DPF1: variants seen among roughly 807,000 people sequenced by gnomAD.
DPF1 encodes double PHD fingers 1, also known as zinc finger protein neuro-d4.
A neutral mutation model predicts 58.7 loss-of-function variants in DPF1; 14 were observed. The ratio of observed to expected loss-of-function variants is 0.24; its 90% CI spans 0.16 to 0.37. The LOEUF is 0.37. Ranked by LOEUF, DPF1 falls within the 10% of genes least tolerant of loss-of-function variation. The probability of loss-of-function intolerance (pLI) is 1.00; values close to 1 mark genes in which losing one functional copy is unlikely to be tolerated. For synonymous variants in DPF1, 216 were observed against 216.0 expected (o/e 1.00, Z 0.00); for missense variants, 345 against 529.9 (o/e 0.65, Z 3.43).
In DPF1 at chr19:38,215,993, C is replaced by T. The variant is rs758822495; in HGVS notation, c.898+147G>A. On this transcript the variant is annotated intron_variant, in intron 9 of 11. Transcript: ENST00000355526. ...TTCCCACAATCCTCAGCAGTTGCAT[C>T]AGCCTCGCTAGCTCTGGTTATCCAC... 5.8e-6 allele frequency: 8 copies of T among 1,372,684 alleles called. No homozygotes were observed. In the African/African-American group the frequency reaches 1.0e-4, roughly 17 times the overall value. The allele number at this position is 1,372,684 out of a possible 1,614,324, so 85.0% of individuals were successfully genotyped here.
upstream of DPF1, chr19:38,224,356 G>A (rs1239178962): frequency 6.0e-6 from 7 of 1,169,174 alleles, no homozygotes; most frequent in Non-Finnish European, 7.6e-6. The surrounding 1 kb of genome is among the most constrained non-coding windows in gnomAD (Gnocchi z 4.5). Flanking sequence ...ACGGGACGGC[G>A]CGGAGGAGGG....
At chr19:38,225,325 G>A (rs1461143480), upstream of DPF1, among the ~76,000 whole-genome samples, 1 of 152,074 alleles carries the variant, frequency 6.6e-6, no homozygotes, top group Non-Finnish European at 1.5e-5. Flanking sequence ...CCAGTACTTC[G>A]GGAGGCCTAG....
At chr19:38,213,521 G>A in intron 10 of DPF1, 123 bp downstream of exon 10, 2 of 795,794 alleles carry the variant, frequency 2.5e-6, no homozygotes, top group Non-Finnish European at 4.2e-6. Context: ...CCGGCATAAT[G>A]ATAACACAGG....
intron 3 of DPF1, among the ~76,000 whole-genome samples, chr19:38,221,469 G>C (rs1483322701): frequency 2.0e-5 from 3 of 151,952 alleles, no homozygotes; most frequent in Non-Finnish European, 4.4e-5. Context: ...GAACCCACTA[G>C]GCGGAGGTTG....
intron 9 of DPF1, 92 bp downstream of exon 9, chr19:38,216,048 G>T: frequency 6.6e-7 from 1 of 1,509,800 alleles, no homozygotes. Context: ...GGGTCCCCTC[G>T]GTCCTCACCG....
chr19:38,213,996 T>C (rs1438888013), intron 9 of DPF1: 35 of 528,604 alleles, frequency 6.6e-5, no homozygotes, highest in Non-Finnish European at 1.0e-4. Flanking sequence ...CAGAACGCCA[T>C]GGCAACCGCA....
rs1284631368 is a variant in DPF1, at chr19:38,217,580, G to A, written c.607C>T (p.Arg203Trp). 6.5e-7 allele frequency: 1 copy of A among 1,549,772 alleles called. No individual in the cohort carries two copies. Among genetic ancestry groups the A allele is most frequent in the Non-Finnish European group, 8.7e-7 (1 of 1,145,786 alleles). ...KPYVCDICGK[R>W]YKNRPGLSYH... Reference sequence around the variant, plus strand: ...CTGAGCCCCGGCCGGTTCTTATACCGTTTCCCACAGACTGGGGAGCGAGCG... The same window carrying A: ...CTGAGCCCCGGCCGGTTCTTATACCATTTCCCACAGACTGGGGAGCGAGCG... Residue 203 changes from arginine to tryptophan, a missense_variant, in exon 7 of 12, where the codon CGG becomes TGG. Coordinates refer to ENST00000355526, the MANE Select transcript of DPF1 (RefSeq NM_001135155.3).
chr19:38,212,330 CG>C lies in DPF1; in HGVS notation c.1042del (p.Arg348GlyfsTer8). 1.3e-6 allele frequency: 2 copies of C among 1,490,688 alleles called. No homozygotes were observed. Among genetic ancestry groups the C allele is most frequent in the Non-Finnish European group, 1.8e-6 (2 of 1,121,508 alleles). The allele number at this position is 1,490,688 out of a possible 1,614,324, so 92.3% of individuals were successfully genotyped here. A position where few individuals can be genotyped will look rare whatever the true frequency, so the allele number is the denominator to read the frequency against. ...DQLLFCDDCD[R>X]GYHMYCLSPP... ...ACTCAGGCAGTACATGTGGTAACCC[CG>C]ATCGCAGTCATCACAAAACAGCAGC... On this transcript the variant is annotated frameshift_variant, in exon 11 of 12. Coordinates refer to ENST00000355526, the MANE Select transcript of DPF1 (RefSeq NM_001135155.3). LOFTEE classifies it high-confidence loss of function.
intron 3 of DPF1, chr19:38,219,454 A>AG (rs1967286404): frequency 5.9e-6 from 1 of 170,768 alleles, no homozygotes; most frequent in Non-Finnish European, 1.2e-5. Flanking sequence ...TCTGAGACAG[A>AG]TGCGGGAAGG....
At chr19:38,228,178 C>G (rs2146234390), upstream of DPF1, 1 of 151,870 alleles carries the variant, frequency 6.6e-6, no homozygotes, top group East Asian at 2.0e-4. Context: ...GGACCCGAGC[C>G]CCACACACCC....
At position 38,217,874 on chromosome 19, in the gene DPF1, T is replaced by A. The variant is rs371151271; in HGVS notation, c.519A>T (p.Ala173=). The A allele has an allele frequency of 1.2e-6, 2 of 1,614,034 alleles. No homozygotes were observed. Among genetic ancestry groups the A allele is most frequent in the Non-Finnish European group, 1.7e-6 (2 of 1,179,990 alleles). The stretch of plus-strand genomic sequence containing the variant: ...GTTTCCGGAGACCCCCGATGCCATA[T>A]GCCTGTGGGGAGAGTCAGGAGTGAG... The part of the protein sequence containing the change: ...PRRKNRAKGK[A]YGIGGLRKRQ... The change falls in exon 6 of 12, where the codon GCA becomes GCT. Residue 173 remains alanine (A), a splice_region_variant and synonymous_variant. Coordinates refer to ENST00000355526, the MANE Select transcript of DPF1 (RefSeq NM_001135155.3).
At chr19:38,219,371 G>A in intron 3 of DPF1, 1 of 363,580 alleles carries the variant, frequency 2.8e-6, no homozygotes, top group South Asian at 3.7e-5. Context: ...AACATACCCA[G>A]ACAAATATGG....
chr19:38,229,544 G>A lies in DPF1; in HGVS notation c.-132+15C>T. ...GGGGGTCTGGACAGGGGGCGGGGACGGCAGGGACACTCACGACTTGAGCGG... is the reference window on the plus strand; with the variant it reads ...GGGGGTCTGGACAGGGGGCGGGGACAGCAGGGACACTCACGACTTGAGCGG... On this transcript the variant is annotated intron_variant, in intron 1 of 11. Coordinates refer to the DPF1 transcript ENST00000412732. The surrounding 1 kb of genome is among the most constrained non-coding windows in gnomAD (Gnocchi z 5.3). The A allele has an allele frequency of 3.4e-6, 4 of 1,189,922 alleles. No individual in the cohort carries two copies. The highest frequency in any genetic ancestry group is 4.2e-6 in the Non-Finnish European group (4 of 960,466). The allele number at this position is 1,189,922 out of a possible 1,614,324, so 73.7% of individuals were successfully genotyped here. A position where few individuals can be genotyped will look rare whatever the true frequency, so the allele number is the denominator to read the frequency against.
Position 38,229,550 on chromosome 19 carries a change from G to T in DPF1, c.-132+9C>A. The stretch of plus-strand genomic sequence containing the variant: ...CTGGACAGGGGGCGGGGACGGCAGG[G>T]ACACTCACGACTTGAGCGGGTTCTG... On this transcript the variant is annotated intron_variant, in intron 1 of 11. Transcript: ENST00000412732. This position sits in a 1 kb window ranked among gnomAD's most constrained non-coding sequence, Gnocchi z 5.3. The T allele has an allele frequency of 8.4e-7, 1 of 1,190,694 alleles. No individual in the cohort carries two copies. Among genetic ancestry groups the T allele is most frequent in the Non-Finnish European group, 1.0e-6 (1 of 961,382 alleles). The allele number at this position is 1,190,694 out of a possible 1,614,324, so 73.8% of individuals were successfully genotyped here. A position where few individuals can be genotyped will look rare whatever the true frequency, so the allele number is the denominator to read the frequency against.
chr19:38,211,887 C>A lies in DPF1; in HGVS notation c.*176G>T. 1.5e-6 allele frequency: 1 copy of A among 677,390 alleles called. No homozygotes were observed. The highest frequency in any genetic ancestry group is 1.9e-5 in the South Asian group (1 of 52,144). The allele number at this position is 677,390 out of a possible 1,614,324, so 42.0% of individuals were successfully genotyped here. Reference sequence around the variant, plus strand: ...GGGAGGGAGAGGCCCTGGCCGGGCCCACCCACCCACAGGGCAGACATTCCA... The same window carrying A: ...GGGAGGGAGAGGCCCTGGCCGGGCCAACCCACCCACAGGGCAGACATTCCA... On this transcript the variant is annotated 3_prime_UTR_variant, in exon 12 of 12. Transcript: ENST00000355526. The surrounding 1 kb of genome is among the most constrained non-coding windows in gnomAD (Gnocchi z 4.0).
rs1973377855 is a variant in DPF1 at position 38,211,133 on chromosome 19, CCCA to C, written c.*927_*929del. 6.6e-6 allele frequency: 1 copy of C among 152,566 alleles called. No homozygotes were observed. Among genetic ancestry groups the C allele is most frequent in the Non-Finnish European group, 1.5e-5 (1 of 68,340 alleles). 9.5% of individuals were successfully genotyped at this position (152,566 alleles called of 1,614,324 possible). On this transcript the variant is annotated 3_prime_UTR_variant, in exon 12 of 12. Transcript: ENST00000355526. This position sits in a 1 kb window ranked among gnomAD's most constrained non-coding sequence, Gnocchi z 4.0. ...TGGATTAGGGGACATCCCCCCAAAA[CCCA>C]CCACCTCCCCCACCTGCAGTCTCAG...
intron 3 of DPF1, chr19:38,219,264 G>A (rs913854056): frequency 8.0e-5 from 53 of 660,324 alleles, no homozygotes; most frequent in African/African-American, 7.5e-4. Flanking sequence ...CAGGAGACAC[G>A]GTCAGAACTT....
intron 10 of DPF1, among the ~76,000 whole-genome samples, chr19:38,213,263 C>G (rs543626312): frequency 8.3e-4 from 127 of 152,290 alleles, no homozygotes; most frequent in African/African-American, 3.0e-3. Flanking sequence ...GCGTGAGCCA[C>G]CGCGCTCCGC....
upstream of DPF1, among the ~76,000 whole-genome samples, chr19:38,226,828 C>A (rs1967843645): frequency 6.6e-6 from 1 of 152,100 alleles, no homozygotes; most frequent in Non-Finnish European, 1.5e-5. Flanking sequence ...GATTCCCACA[C>A]CGCTAGCCTC....
Sources: allele counts gnomAD v4.1 joint callset (sites outside exome capture counted in the v4.1 genomes callset), GRCh38; gene constraint gnomAD v4.1.1; non-coding constraint Gnocchi (gnomAD v3.1); transcripts MANE v1.5; gene names NCBI Gene and HGNC (gene_info 2026-07-23, HGNC 2026-07-21).